Variants in GRM8 observed in about 807,000 individuals in gnomAD.
GRM8 encodes glutamate metabotropic receptor 8.
A neutral mutation model predicts 87.2 loss-of-function variants in GRM8; 47 were observed. The ratio of observed to expected loss-of-function variants is 0.54; its 90% CI spans 0.43 to 0.69. The LOEUF is 0.69. Among genes scored for constraint, GRM8 ranks in the 30% least tolerant of loss-of-function variants. The pLI, the probability that GRM8 is intolerant of heterozygous loss-of-function variation, is 0.00. For synonymous variants in GRM8, 396 were observed against 404.5 expected (o/e 0.98, Z 0.25); for missense variants, 1,019 against 1,139.2 (o/e 0.89, Z 1.52).
intron 7 of GRM8, among the ~76,000 whole-genome samples, chr7:126,666,011 T>C (rs540184387): frequency 3.5e-4 from 54 of 152,274 alleles, no homozygotes; most frequent in Non-Finnish European, 4.3e-4. Flanking sequence ...TATTTCTTTC[T>C]TCATTAGGGC....
At chr7:126,477,597 AAGAAAG>A (rs1554446074) in intron 9 of GRM8, among the ~76,000 whole-genome samples, 2 of 62,384 alleles carry the variant, frequency 3.2e-5, no homozygotes, top group African/African-American at 9.2e-5. Context: ...GAAAGAAAGA[AAGAAAG>A]AAAGAAAGAA....
intron 3 of GRM8, among the ~76,000 whole-genome samples, chr7:126,989,446 T>C (rs1812418175): frequency 6.6e-6 from 1 of 152,218 alleles, no homozygotes; most frequent in Non-Finnish European, 1.5e-5. Flanking sequence ...TTTATAACTT[T>C]GAAAATAAGC....
At chr7:126,520,421 A>G (rs1481457140) in intron 9 of GRM8, among the ~76,000 whole-genome samples, 2 of 152,022 alleles carry the variant, frequency 1.3e-5, no homozygotes, top group Admixed American at 6.6e-5. Flanking sequence ...CCAGTTTTGG[A>G]TTGTTTTAGT....
chr7:126,880,270 C>T (rs1310730649), intron 6 of GRM8, among the ~76,000 whole-genome samples: 1 of 152,146 alleles, frequency 6.6e-6, no homozygotes, highest in East Asian at 1.9e-4. Context: ...TACATGATTA[C>T]AAAAATGCTT....
At chr7:126,750,869 AC>A (rs1179203027) in intron 7 of GRM8, among the ~76,000 whole-genome samples, 10 of 152,074 alleles carry the variant, frequency 6.6e-5, no homozygotes, top group Non-Finnish European at 1.5e-4. Flanking sequence ...GAGGTGGTAT[AC>A]CTTAATTACC....
chr7:127,109,806 G>T (rs1027836005), intron 2 of GRM8, among the ~76,000 whole-genome samples: 1 of 152,108 alleles, frequency 6.6e-6, no homozygotes, highest in Non-Finnish European at 1.5e-5. Context: ...ATTTAATACA[G>T]CTTCTTCCCC....
intron 7 of GRM8, among the ~76,000 whole-genome samples, chr7:126,676,401 GA>G (rs1183112574): frequency 6.6e-6 from 1 of 152,016 alleles, no homozygotes; most frequent in Non-Finnish European, 1.5e-5. Context: ...ACCAAAAAAA[GA>G]GCCTGAATAG....
chr7:126,804,419 G>T (rs1792439788), intron 6 of GRM8, among the ~76,000 whole-genome samples: 1 of 152,000 alleles, frequency 6.6e-6, no homozygotes, highest in Non-Finnish European at 1.5e-5. Context: ...TTATTCTTCT[G>T]CCATAATTGG....
intron 2 of GRM8, among the ~76,000 whole-genome samples, chr7:127,179,567 G>A (rs1794318234): frequency 6.6e-6 from 1 of 152,030 alleles, no homozygotes. Context: ...ATAGCACATG[G>A]AACTTTCTCC....
intron 6 of GRM8, among the ~76,000 whole-genome samples, chr7:126,798,237 G>C (rs1343491546): frequency 6.6e-6 from 1 of 152,122 alleles, no homozygotes; most frequent in Non-Finnish European, 1.5e-5. Flanking sequence ...CAGATTCAAA[G>C]TGTATAACTC....
intron 9 of GRM8, among the ~76,000 whole-genome samples, chr7:126,518,796 T>C (rs780337407): frequency 1.3e-5 from 2 of 151,942 alleles, no homozygotes; most frequent in African/African-American, 2.4e-5. Flanking sequence ...TAGCTGGCAT[T>C]TTTTTTTCTA....
chr7:126,486,946 A>C (rs895540559), intron 9 of GRM8, among the ~76,000 whole-genome samples: 1 of 152,078 alleles, frequency 6.6e-6, no homozygotes, highest in African/African-American at 2.4e-5. Context: ...TCAAATGTTC[A>C]TATTTCCAAA....
chr7:127,029,660 GCTT>G (rs1284278457), intron 3 of GRM8, among the ~76,000 whole-genome samples: 2 of 77,480 alleles, frequency 2.6e-5, no homozygotes, highest in African/African-American at 1.5e-4. Flanking sequence ...TGCAACCTCT[GCTT>G]TTTTTTTTCT....
rs1431516911 is a variant in GRM8 at position 127,107,931 on chromosome 7, G to T, written c.511-1219C>A. Among the ~76,000 whole-genome samples the T allele has an allele frequency of 2.0e-5, 3 of 152,112 alleles. No homozygotes were observed. In the East Asian group the frequency reaches 5.8e-4, roughly 29 times the overall value. ...AGCAATGTGCTTGGAGCTGTCCATGGTGCTGACTATTCATTCAGCTTCCAT... is the reference window on the plus strand; with the variant it reads ...AGCAATGTGCTTGGAGCTGTCCATGTTGCTGACTATTCATTCAGCTTCCAT... On this transcript the variant is annotated intron_variant, in intron 2 of 10. Transcript: ENST00000339582.
chr7:126,598,427 C>T (rs1339532705), intron 8 of GRM8, among the ~76,000 whole-genome samples: 1 of 152,062 alleles, frequency 6.6e-6, no homozygotes, highest in Non-Finnish European at 1.5e-5. Context: ...AAGATTACTT[C>T]ACCTACTCTA....
intron 7 of GRM8, among the ~76,000 whole-genome samples, chr7:126,628,425 C>G (rs955036407): frequency 1.3e-5 from 2 of 152,166 alleles, no homozygotes; most frequent in African/African-American, 4.8e-5. Flanking sequence ...TATAGCTCAA[C>G]TGGAATTGCC....
intron 3 of GRM8, among the ~76,000 whole-genome samples, chr7:127,042,252 T>G (rs910003901): frequency 2.6e-5 from 4 of 152,176 alleles, no homozygotes; most frequent in Non-Finnish European, 5.9e-5. Flanking sequence ...AATACCTGTC[T>G]GCAGGGTAAG....
Position 126,841,720 on chromosome 7 carries a change from C to T in GRM8, c.1156+60822G>A, listed in dbSNP as rs180695876. ...TCCGCTCACTGCAAGCTCCGCCTCC[C>T]GGATTCACCCCATCCTCCTGACTCA... On this transcript the variant is annotated intron_variant, in intron 6 of 10. Coordinates refer to ENST00000339582, the MANE Select transcript of GRM8 (RefSeq NM_000845.3). Among the ~76,000 whole-genome samples the T allele has an allele frequency of 1.7e-4, 26 of 151,936 alleles. No homozygotes were observed. In the East Asian group the frequency reaches 2.1e-3, roughly 12 times the overall value.
At chr7:126,761,904 G>A (rs1339140431) in intron 7 of GRM8, among the ~76,000 whole-genome samples, 1 of 152,144 alleles carries the variant, frequency 6.6e-6, no homozygotes, top group Non-Finnish European at 1.5e-5. Context: ...CTTGCTCTCT[G>A]TGTTGTAATC....
Sources: gnomAD v4.1 joint callset for allele counts (sites outside exome capture counted in the v4.1 genomes callset) on GRCh38, gnomAD v4.1.1 for gene constraint, MANE v1.5 for transcripts, NCBI Gene and HGNC (gene_info 2026-07-23, HGNC 2026-07-21) for gene names.